Variants in GBP6 observed in about 807,000 individuals in gnomAD.
The protein encoded by GBP6 is guanylate-binding protein 6.
In GBP6, 54 loss-of-function variants were observed where a neutral mutation model predicts 61.5. That is an observed-to-expected ratio of 0.88 (90% CI 0.71 to 1.10). The LOEUF is 1.10. GBP6 is among the 50% of genes least tolerant of loss of function. GBP6 has a pLI of 0.00. For missense variants in GBP6, 748 were observed against 752.8 expected, an observed-to-expected ratio of 0.99 and a Z score of 0.07; for synonymous variants, 255 against 273.7, an observed-to-expected ratio of 0.93 and a Z score of 0.67.
chr1:89,364,113 G>A lies in GBP6; in HGVS notation c.-38G>A, dbSNP rs537869770. ...AACTGAAAACTGTTCTTGGACCTGC[G>A]GTGCTATAGAGCAGGTATGTTCACT... is the stretch of plus-strand genomic sequence containing the variant. On this transcript the variant is annotated 5_prime_UTR_variant, in exon 1 of 11. Transcript: ENST00000370456. The A allele has an allele frequency of 2.0e-5, 3 of 152,338 alleles. No homozygotes were observed. The South Asian group carries it at 6.2e-4, about 32-fold the overall frequency. The allele number at this position is 152,338 out of a possible 1,614,324, so 9.4% of individuals were successfully genotyped here.
intron 6 of GBP6, 121 bp downstream of exon 6, chr1:89,380,752 C>T (rs1253289485): frequency 6.0e-6 from 5 of 827,706 alleles, no homozygotes; most frequent in South Asian, 3.9e-5. Flanking sequence ...GGTATTCACA[C>T]TCAGTGAAGA....
chr1:89,382,708 AG>A lies in GBP6; in HGVS notation c.1198del (p.Glu400SerfsTer18), dbSNP rs1260657636. Reference protein sequence around the residue: ...KKGDFLLQNEESSVQYCQAKL... With the variant: ...KKGDFLLQNEXSSVQYCQAKL... ...AGGGGGATTTCTTGCTGCAGAATGA[AG>A]AGTCATCTGTTCAATACTGCCAGGC... On this transcript the variant is annotated frameshift_variant, in exon 8 of 11. Transcript: ENST00000370456. LOFTEE classifies it high-confidence loss of function. 1.2e-6 allele frequency: 2 copies of A among 1,614,054 alleles called. No individual in the cohort carries two copies. Among genetic ancestry groups the A allele is most frequent in the Non-Finnish European group, 1.7e-6 (2 of 1,180,008 alleles).
chr1:89,373,828 T>TTA (rs898159225), intron 3 of GBP6, among the ~76,000 whole-genome samples: 4 of 151,178 alleles, frequency 2.6e-5, no homozygotes, highest in Non-Finnish European at 5.9e-5. Context: ...AATATATAAA[T>TTA]TATATATATA....
chr1:89,369,412 C>G (rs913115239), intron 2 of GBP6, 134 bp from the exon 3 acceptor site: 12 of 1,058,614 alleles, frequency 1.1e-5, no homozygotes, highest in Non-Finnish European at 1.6e-5. Context: ...CAAAGTAAGC[C>G]ATTCTTGAGG....
Position 89,368,074 on chromosome 1 carries a change from T to A in GBP6, c.-23-455T>A, listed in dbSNP as rs1652513112. ...GTGATGTCTCCAAGGAGAGAAAGAC[T>A]TAGAACTTCCTAGCCTGCTATTTTA... is the stretch of plus-strand genomic sequence containing the variant. On this transcript the variant is annotated intron_variant, in intron 1 of 10. Transcript: ENST00000370456. 3.3e-5 allele frequency among the ~76,000 whole-genome samples: 5 copies of A among 152,204 alleles called. No individual in the cohort carries two copies. The South Asian group carries it at 1.0e-3, about 31-fold the overall frequency.
chr1:89,369,585 G>A lies in GBP6; in HGVS notation c.230G>A (p.Gly77Asp). 1 of 1,614,098 alleles carries A rather than the reference G, an allele frequency of 6.2e-7. No homozygotes were observed. The highest frequency in any genetic ancestry group is 8.5e-7 in the Non-Finnish European group (1 of 1,179,964). ...TCCACGGTGCAGTCTGAAACCAAGG[G>A]CATCTGGATGTGGTGCGTGCCCCAC... is the stretch of plus-strand genomic sequence containing the variant. ...LGSTVQSETK[G>D]IWMWCVPHPS... is the part of the protein sequence containing the mutation. The change falls in exon 3 of 11, where the codon GGC (glycine) becomes GAC (aspartate). Residue 77 changes from glycine (G) to aspartate (D), a missense_variant. Physicochemically the swap from Gly to Asp is moderately conservative, Grantham distance 94 (BLOSUM62 -1). Transcript: ENST00000370456.
chr1:89,375,800 TTCGGTGTCATA>T (rs374426469), intron 3 of GBP6, among the ~76,000 whole-genome samples: 254 of 152,322 alleles, frequency 1.7e-3, no homozygotes, highest in African/African-American at 5.7e-3. Flanking sequence ...CACCTGTGCT[TTCGGTGTCATA>T]TCCAAAAACA....
Position 89,382,749 on chromosome 1 carries a change from T to C in GBP6, c.1238T>C (p.Leu413Pro), listed in dbSNP as rs778040669. Residue 413 changes from leucine (L) to proline (P), a missense_variant, in exon 8 of 11, where the codon CTC becomes CCC. Physicochemically the swap from Leu to Pro is moderately conservative, Grantham distance 98. Coordinates refer to ENST00000370456, the MANE Select transcript of GBP6 (RefSeq NM_198460.3). ...TACTGCCAGGCTAAACTCAATGAGC[T>C]CTCAAAGGGACTAATGGAAAGTATC... ...VQYCQAKLNE[L>P]SKGLMESISA... is the part of the protein sequence containing the mutation. 1.2e-6 allele frequency: 2 copies of C among 1,613,958 alleles called. No individual in the cohort carries two copies. Among genetic ancestry groups the C allele is most frequent in the Non-Finnish European group, 1.7e-6 (2 of 1,179,864 alleles).
intron 3 of GBP6, among the ~76,000 whole-genome samples, chr1:89,375,524 C>T (rs181644288): frequency 1.3e-4 from 20 of 152,198 alleles, no homozygotes; most frequent in South Asian, 8.3e-4. Flanking sequence ...CCCAAAGGAA[C>T]GCAAATCATT....
chr1:89,372,456 A>C (rs1005477828), intron 3 of GBP6, among the ~76,000 whole-genome samples: 2 of 152,160 alleles, frequency 1.3e-5, no homozygotes, highest in African/African-American at 4.8e-5. Flanking sequence ...GTACTGGTAC[A>C]AAAACAGAGA....
At position 89,385,596 on chromosome 1, in the gene GBP6, C is replaced by A; in HGVS notation, c.*127C>A. 1.1e-6 allele frequency: 1 copy of A among 872,900 alleles called. No individual in the cohort carries two copies. Among genetic ancestry groups the A allele is most frequent in the Non-Finnish European group, 1.7e-6 (1 of 591,908 alleles). 54.1% of individuals were successfully genotyped at this position (872,900 alleles called of 1,614,324 possible). A position where few individuals can be genotyped will look rare whatever the true frequency, so the allele number is the denominator to read the frequency against. ...TTGCCCAGGCTGGAGTACAGTGGTGCAATCTCAGCTCACTGCAACCTCTGC... is the reference window on the plus strand; with the variant it reads ...TTGCCCAGGCTGGAGTACAGTGGTGAAATCTCAGCTCACTGCAACCTCTGC... On this transcript the variant is annotated 3_prime_UTR_variant, in exon 11 of 11. Coordinates refer to ENST00000370456, the MANE Select transcript of GBP6 (RefSeq NM_198460.3).
chr1:89,368,780 C>T, intron 2 of GBP6, 39 bp downstream of exon 2: 1 of 1,560,870 alleles, frequency 6.4e-7, no homozygotes, highest in Non-Finnish European at 8.8e-7. Flanking sequence ...TTGCTTGATT[C>T]CAGCTATATC....
At chr1:89,382,989 T>C (rs898151751) in intron 8 of GBP6, 113 bp downstream of exon 8, 21 of 631,076 alleles carry the variant, frequency 3.3e-5, no homozygotes, top group African/African-American at 2.8e-4. Context: ...TAGCTTTCAA[T>C]GTCCACTAAT....
At chr1:89,373,810 A>G (rs1652718621) in intron 3 of GBP6, among the ~76,000 whole-genome samples, 1 of 151,648 alleles carries the variant, frequency 6.6e-6, no homozygotes, top group Non-Finnish European at 1.5e-5. Context: ...AACTTAAAGT[A>G]TAATAAAAAT....
At position 89,385,259 on chromosome 1, in the gene GBP6, T is replaced by G; in HGVS notation, c.1692T>G (p.Phe564Leu). Residue 564 changes from phenylalanine (F) to leucine (L), a missense_variant, in exon 11 of 11, where the codon TTT becomes TTG. By Grantham distance (22) the Phe-to-Leu change is conservative. Transcript: ENST00000370456. Reference protein sequence around the residue: ...KVQNDWLHEGFKKKYEEMNAE... With the variant: ...KVQNDWLHEGLKKKYEEMNAE... The stretch of plus-strand genomic sequence containing the variant: ...AAAATGATTGGCTTCATGAAGGATT[T>G]AAGAAGAAGTATGAGGAGATGAATG... 6.2e-7 allele frequency: 1 copy of G among 1,613,774 alleles called. No individual in the cohort carries two copies. Among genetic ancestry groups the G allele is most frequent in the Non-Finnish European group, 8.5e-7 (1 of 1,179,662 alleles).
chr1:89,372,643 C>T (rs1443190807), intron 3 of GBP6, among the ~76,000 whole-genome samples: 2 of 152,256 alleles, frequency 1.3e-5, no homozygotes, highest in Admixed American at 6.5e-5. Flanking sequence ...CCCTTCCTTA[C>T]ACCTTATACA....
intron 4 of GBP6, 98 bp from the exon 5 acceptor site, chr1:89,378,319 A>G (rs957097270): frequency 1.3e-6 from 2 of 1,524,566 alleles, no homozygotes; most frequent in Admixed American, 1.9e-5. Flanking sequence ...GTGGTGCAGC[A>G]CAGGGAACCC....
At chr1:89,373,157 AG>A (rs1174148063) in intron 3 of GBP6, among the ~76,000 whole-genome samples, 2 of 152,228 alleles carry the variant, frequency 1.3e-5, no homozygotes, top group African/African-American at 4.8e-5. Context: ...TTAAAAAGTC[AG>A]GAAGCAACAA....
chr1:89,383,734 A>G lies in GBP6; in HGVS notation c.1448A>G (p.Asp483Gly). ...TTGCAGTCAGATAAAGCCCTCACTG[A>G]TAGAGAGAAGGCAGTAGCAGGTATG... ...SILQSDKALT[D>G]REKAVAVDRA... The change falls in exon 9 of 11, where the codon GAT (aspartate) becomes GGT (glycine). Residue 483 changes from aspartate to glycine, a missense_variant. Coordinates refer to ENST00000370456, the MANE Select transcript of GBP6 (RefSeq NM_198460.3). The G allele has an allele frequency of 6.2e-7, 1 of 1,611,138 alleles. No homozygotes were observed. Among genetic ancestry groups the G allele is most frequent in the Non-Finnish European group, 8.5e-7 (1 of 1,178,896 alleles).
Sources: allele counts gnomAD v4.1 joint callset (sites outside exome capture counted in the v4.1 genomes callset), GRCh38; gene constraint gnomAD v4.1.1; transcripts MANE v1.5; gene names NCBI Gene and HGNC (gene_info 2026-07-23, HGNC 2026-07-21).